Variants in FAM184A observed in about 807,000 individuals in gnomAD.
FAM184A encodes the protein protein FAM184A.
A neutral mutation model predicts 143.8 loss-of-function variants in FAM184A; 99 were observed. The observed-to-expected ratio is 0.69, with a 90% CI of 0.58 to 0.81. The LOEUF is 0.81. Among genes scored for constraint, FAM184A ranks in the 40% least tolerant of loss-of-function variants. The probability of loss-of-function intolerance (pLI) is 0.00; values close to 1 mark genes in which losing one functional copy is unlikely to be tolerated. For missense variants in FAM184A, 1,217 were observed against 1,310.5 expected (o/e 0.93, Z 1.10); for synonymous variants, 427 against 446.4 (o/e 0.96, Z 0.55).
chr6:118,976,411 C>T (rs904069382), intron 11 of FAM184A, among the ~76,000 whole-genome samples: 3 of 151,814 alleles, frequency 2.0e-5, no homozygotes, highest in Non-Finnish European at 4.4e-5. Flanking sequence ...GCCTATAATC[C>T]CAGCACTTTG....
chr6:119,044,872 T>G (rs111862470), intron 1 of FAM184A, among the ~76,000 whole-genome samples: 1,943 of 152,250 alleles, frequency 0.013, 37 homozygotes, highest in African/African-American at 0.044. Flanking sequence ...ATCATTAAGG[T>G]ATGTGGTGAT....
intron 1 of FAM184A, among the ~76,000 whole-genome samples, chr6:119,137,666 G>C (rs1268383634): frequency 6.6e-6 from 1 of 152,154 alleles, no homozygotes; most frequent in Non-Finnish European, 1.5e-5. Context: ...GCAAAATCCA[G>C]TGAGTGAGCA....
In FAM184A at chr6:119,137,404, C is replaced by T. The variant is rs1328751408; in HGVS notation, c.-202+11674G>A. On this transcript the variant is annotated intron_variant, in intron 1 of 16. Transcript: ENST00000352896. The stretch of plus-strand genomic sequence containing the variant: ...CCAGTCCTATCAGATTAGGACCCCA[C>T]CCATATGTCCTCATTCAACCTTAAT... 1.2e-4 allele frequency among the ~76,000 whole-genome samples: 19 copies of T among 152,138 alleles called. 1 individual carries two copies. The highest frequency in any genetic ancestry group is 1.2e-3 in the Admixed American group (18 of 15,276).
intron 1 of FAM184A, among the ~76,000 whole-genome samples, chr6:119,026,497 C>T (rs1007425770): frequency 1.3e-5 from 2 of 151,382 alleles, no homozygotes; most frequent in African/African-American, 2.5e-5. Context: ...AGCCCCCAAC[C>T]GATTGAACGG....
intron 4 of FAM184A, among the ~76,000 whole-genome samples, chr6:119,019,421 G>A (rs1272387702): frequency 6.6e-6 from 1 of 152,166 alleles, no homozygotes; most frequent in African/African-American, 2.4e-5. Context: ...AAAGAGAATA[G>A]ATATTTTCAA....
chr6:118,979,557 A>C, intron 10 of FAM184A, 39 bp from the exon 11 acceptor site: 1 of 1,494,508 alleles, frequency 6.7e-7, no homozygotes, highest in Non-Finnish European at 9.0e-7. Flanking sequence ...GCTAGAATAT[A>C]GGAAGGAAAA....
chr6:119,089,503 A>G (rs1788316424), intron 1 of FAM184A, among the ~76,000 whole-genome samples: 1 of 152,084 alleles, frequency 6.6e-6, no homozygotes, highest in South Asian at 2.1e-4. Context: ...GGATCTTGCT[A>G]CATTGCCCAG....
At chr6:119,132,505 A>G (rs1411172825) in intron 1 of FAM184A, among the ~76,000 whole-genome samples, 1 of 152,250 alleles carries the variant, frequency 6.6e-6, no homozygotes, top group East Asian at 1.9e-4. Flanking sequence ...AGTCTCTGTA[A>G]TTCATGCACT....
Position 118,961,804 on chromosome 6 carries a change from G to T in FAM184A, c.3298C>A (p.Leu1100Ile). The T allele has an allele frequency of 1.2e-6, 2 of 1,613,936 alleles. No individual in the cohort carries two copies. Among genetic ancestry groups the T allele is most frequent in the Non-Finnish European group, 1.7e-6 (2 of 1,179,856 alleles). ...CCTTTAGGTGGCACTGGCTGTGGAA[G>T]TGGTTTGCTGCTGTTGAACTCAATA... ...HDIEFNSSKP[L>I]PQPVPPKGPK... The change falls in exon 17 of 18, where the codon CTT (leucine) becomes ATT (isoleucine). Residue 1100 changes from leucine to isoleucine, a missense_variant. Coordinates refer to ENST00000338891, the MANE Select transcript of FAM184A (RefSeq NM_024581.6).
chr6:118,969,688 G>T (rs1018050158), intron 14 of FAM184A, among the ~76,000 whole-genome samples: 4 of 151,588 alleles, frequency 2.6e-5, no homozygotes, highest in Middle Eastern at 3.4e-3. Flanking sequence ...TTAAGCTCTG[G>T]GATACATGTG....
chr6:118,991,800 T>C (rs1784388156), intron 9 of FAM184A, among the ~76,000 whole-genome samples: 1 of 120,036 alleles, frequency 8.3e-6, no homozygotes, highest in Non-Finnish European at 1.6e-5. Context: ...TCTCACTCTG[T>C]GGCCCAGGCT....
intron 1 of FAM184A, among the ~76,000 whole-genome samples, chr6:119,141,467 C>T (rs190581174): frequency 0.016 from 2,451 of 150,296 alleles, 66 homozygotes; most frequent in African/African-American, 0.053. Context: ...AATCCTTTGC[C>T]TGAACTCCTT....
At chr6:119,072,050 C>T (rs1226926709) in intron 1 of FAM184A, among the ~76,000 whole-genome samples, 3 of 151,770 alleles carry the variant, frequency 2.0e-5, no homozygotes, top group Admixed American at 6.6e-5. Context: ...TTTGTAAAGA[C>T]GGGATTTCAC....
At chr6:119,059,295 C>G (rs1787129703) in intron 1 of FAM184A, among the ~76,000 whole-genome samples, 1 of 152,152 alleles carries the variant, frequency 6.6e-6, no homozygotes, top group Non-Finnish European at 1.5e-5. Context: ...TTGTTTTATA[C>G]AAATTTTGGG....
In FAM184A at chr6:118,964,858, AT is replaced by A. The variant is rs577013255; in HGVS notation, c.3034-88del. The A allele has an allele frequency of 4.5e-4, 300 of 665,586 alleles. 1 individual carries two copies. In the African/African-American group the frequency reaches 5.1e-3, roughly 11 times the overall value. 41.2% of individuals were successfully genotyped at this position (665,586 alleles called of 1,614,324 possible). A position where few individuals can be genotyped will look rare whatever the true frequency, so the allele number is the denominator to read the frequency against. On this transcript the variant is annotated intron_variant, in intron 15 of 17. Transcript: ENST00000338891. ...ATGTATAAACGCCATTTCATTTAAA[AT>A]TTACTATAAAACCTGAATGAAGATT...
chr6:119,067,996 A>G (rs1195947570), intron 1 of FAM184A, among the ~76,000 whole-genome samples: 1 of 151,732 alleles, frequency 6.6e-6, no homozygotes, highest in Non-Finnish European at 1.5e-5. Context: ...ATAAACAAAC[A>G]AACAAAATAA....
At chr6:118,983,112 T>C (rs927105570) in intron 9 of FAM184A, among the ~76,000 whole-genome samples, 2 of 152,212 alleles carry the variant, frequency 1.3e-5, no homozygotes, top group Admixed American at 6.5e-5. Flanking sequence ...TCGAAAATCT[T>C]TGAATTCATG....
intron 1 of FAM184A, among the ~76,000 whole-genome samples, chr6:119,117,644 T>A (rs1223343086): frequency 6.6e-6 from 1 of 152,170 alleles, no homozygotes; most frequent in African/African-American, 2.4e-5. Flanking sequence ...TTATCTTAGG[T>A]GAACCTCAAA....
intron 1 of FAM184A, among the ~76,000 whole-genome samples, chr6:119,091,067 C>A (rs924066816): frequency 2.3e-4 from 35 of 152,146 alleles, no homozygotes; most frequent in Non-Finnish European, 8.8e-5. Context: ...GCATAAAGAG[C>A]CAAAGTGAGC....
Sources: allele counts gnomAD v4.1 joint callset (sites outside exome capture counted in the v4.1 genomes callset), GRCh38; gene constraint gnomAD v4.1.1; transcripts MANE v1.5; gene names NCBI Gene and HGNC (gene_info 2026-07-23, HGNC 2026-07-21).